DHRSX: variants seen among roughly 807,000 people sequenced by gnomAD.
DHRSX encodes the protein dehydrogenase/reductase X-linked.
Under a neutral mutation model 34.0 loss-of-function variants are expected in DHRSX, and 31 were observed. The ratio of observed to expected loss-of-function variants is 0.91; its 90% CI spans 0.69 to 1.23. The LOEUF is 1.23. Ranked by LOEUF, DHRSX falls within the 50% of genes most tolerant of loss-of-function variation. DHRSX has a pLI of 0.00. For synonymous variants in DHRSX, 201 were observed against 183.8 expected, an observed-to-expected ratio of 1.09 and a Z score of -0.76; for missense variants, 414 against 428.1, an observed-to-expected ratio of 0.97 and a Z score of 0.29.
chrX:2,380,413 A>T (rs1184712908), intron 3 of DHRSX, among the ~76,000 whole-genome samples: 2 of 151,906 alleles, frequency 1.3e-5, no homozygotes, highest in East Asian at 3.9e-4. Flanking sequence ...ACATATGATA[A>T]GGAAGCAGGA....
chrX:2,463,989 T>G (rs752327004), intron 1 of DHRSX, among the ~76,000 whole-genome samples: 1 of 152,256 alleles, frequency 6.6e-6, no homozygotes, highest in East Asian at 1.9e-4. Context: ...GTGTACACAC[T>G]GAAGACATTC....
At chrX:2,443,008 C>T (rs180756392) in intron 1 of DHRSX, among the ~76,000 whole-genome samples, 12 of 152,166 alleles carry the variant, frequency 7.9e-5, no homozygotes, top group African/African-American at 2.9e-4. Context: ...AAGAGGGAGG[C>T]GGAGTTTCTC....
At position 2,427,867 on chromosome X, in the gene DHRSX, T is replaced by C. The variant is rs149368465; in HGVS notation, c.110-2563A>G. 1.9e-3 allele frequency among the ~76,000 whole-genome samples: 285 copies of C among 152,282 alleles called. 3 individuals are homozygous for C. The East Asian group carries it at 0.026, about 14-fold the overall frequency. On this transcript the variant is annotated intron_variant, in intron 1 of 6. Coordinates refer to ENST00000334651, the MANE Select transcript of DHRSX (RefSeq NM_145177.3). ...AAATATAAAGCCTAAGTGTCCACCA[T>C]CAGACAATTTGATTTTTTAAAATAT... is the stretch of plus-strand genomic sequence containing the variant.
chrX:2,472,812 G>A (rs2044613532), intron 1 of DHRSX, among the ~76,000 whole-genome samples: 1 of 152,090 alleles, frequency 6.6e-6, no homozygotes, highest in African/African-American at 2.4e-5. Flanking sequence ...CTGCTATTGG[G>A]AATATTTTAC....
In DHRSX at chrX:2,490,159, C is replaced by T. The variant is rs145197630; in HGVS notation, c.109+10658G>A. On this transcript the variant is annotated intron_variant, in intron 1 of 6. Transcript: ENST00000334651. The stretch of plus-strand genomic sequence containing the variant: ...TGCCACACCAGGTGGCCTCGGCCAG[C>T]TCCTTCAGGATCACCTCCCGGACGG... The T allele has an allele frequency of 2.2e-4, 350 of 1,613,986 alleles. 2 individuals are homozygous for T. The African/African-American group carries it at 3.9e-3, about 18-fold the overall frequency.
chrX:2,323,251 A>G lies in DHRSX; in HGVS notation c.287-31648T>C, dbSNP rs2042335192. On this transcript the variant is annotated intron_variant, in intron 3 of 6. Coordinates refer to ENST00000334651, the MANE Select transcript of DHRSX (RefSeq NM_145177.3). ...AAGCGCCATAGCCACACCATGGTAG[A>G]GCTATTCTGCCTTGTAGAGATGCAT... Among the ~76,000 whole-genome samples the G allele has an allele frequency of 2.0e-5, 3 of 152,154 alleles. No homozygotes were observed. In the South Asian group the frequency reaches 6.2e-4, roughly 32 times the overall value.
At chrX:2,347,599 C>T (rs1278202266) in intron 3 of DHRSX, among the ~76,000 whole-genome samples, 1 of 152,130 alleles carries the variant, frequency 6.6e-6, no homozygotes, top group Non-Finnish European at 1.5e-5. Flanking sequence ...AAGGCTGAGG[C>T]AGGAGAATCG....
chrX:2,339,053 C>G (rs2042607047), intron 3 of DHRSX, among the ~76,000 whole-genome samples: 1 of 151,966 alleles, frequency 6.6e-6, no homozygotes, highest in Non-Finnish European at 1.5e-5. Context: ...CTTAAGTGAT[C>G]CTGAATATAC....
intron 1 of DHRSX, among the ~76,000 whole-genome samples, chrX:2,437,036 T>C (rs1251613856): frequency 2.0e-5 from 3 of 151,864 alleles, no homozygotes; most frequent in Non-Finnish European, 2.9e-5. Context: ...CTCGCTCTGT[T>C]GCCCAGGCTG....
At chrX:2,352,739 A>G (rs1315806141) in intron 3 of DHRSX, among the ~76,000 whole-genome samples, 2 of 152,196 alleles carry the variant, frequency 1.3e-5, no homozygotes, top group African/African-American at 4.8e-5. Context: ...TGATAGCTAC[A>G]AGCACAGGCA....
At chrX:2,260,616 C>T (rs1407396152) in intron 5 of DHRSX, among the ~76,000 whole-genome samples, 1 of 152,062 alleles carries the variant, frequency 6.6e-6, no homozygotes, top group Non-Finnish European at 1.5e-5. Context: ...CGCAGCACCA[C>T]GCCCGGCTAA....
At chrX:2,357,112 C>T (rs1341316277) in intron 3 of DHRSX, among the ~76,000 whole-genome samples, 11 of 152,130 alleles carry the variant, frequency 7.2e-5, no homozygotes, top group African/African-American at 2.2e-4. Flanking sequence ...GGCATGGTGG[C>T]GTGCGCCTGT....
At chrX:2,415,121 T>G (rs1217368411) in intron 2 of DHRSX, among the ~76,000 whole-genome samples, 1 of 150,476 alleles carries the variant, frequency 6.6e-6, no homozygotes, top group African/African-American at 2.5e-5. Context: ...TCATGACCAA[T>G]GCACTAGACC....
At chrX:2,453,031 G>A (rs1400914465) in intron 1 of DHRSX, among the ~76,000 whole-genome samples, 1 of 152,160 alleles carries the variant, frequency 6.6e-6, no homozygotes, top group Non-Finnish European at 1.5e-5. Context: ...CACTGGAATA[G>A]TATGGAGCCA....
chrX:2,440,996 G>C lies in DHRSX; in HGVS notation c.110-15692C>G, dbSNP rs149192908. Among the ~76,000 whole-genome samples the C allele has an allele frequency of 8.7e-3, 1,317 of 152,248 alleles. 36 individuals carry two copies. Among genetic ancestry groups the C allele is most frequent in the Admixed American group, 0.053 (809 of 15,276 alleles). ...TGAGAATCAGCAATGAGGAGCTACA[G>C]ACGACGCAGACGGCACCAGTAGCTA... On this transcript the variant is annotated intron_variant, in intron 1 of 6. Transcript: ENST00000334651.
At position 2,341,313 on chromosome X, in the gene DHRSX, TA is replaced by T. The variant is rs2042636736; in HGVS notation, c.287-49711del. ...TAGGGAGCTTACAAAAGCAGCCATT[TA>T]ACCTCTCCCAGTCCTGGAGACTACA... On this transcript the variant is annotated intron_variant, in intron 3 of 6. Coordinates refer to ENST00000334651, the MANE Select transcript of DHRSX (RefSeq NM_145177.3). 2.0e-5 allele frequency among the ~76,000 whole-genome samples: 3 copies of T among 152,110 alleles called. No individual in the cohort carries two copies. In the South Asian group the frequency reaches 6.2e-4, roughly 32 times the overall value.
chrX:2,370,758 T>A (rs1277742138), intron 3 of DHRSX, among the ~76,000 whole-genome samples: 1 of 152,092 alleles, frequency 6.6e-6, no homozygotes, highest in Non-Finnish European at 1.5e-5. Flanking sequence ...TCTAACGTGA[T>A]CACATTTTGG....
At chrX:2,392,078 G>A (rs1468881269) in intron 3 of DHRSX, among the ~76,000 whole-genome samples, 1 of 152,160 alleles carries the variant, frequency 6.6e-6, no homozygotes, top group Non-Finnish European at 1.5e-5. Flanking sequence ...AAACGCTGTC[G>A]TTCACCATCC....
At chrX:2,496,118 AC>A (rs1246967508) in intron 1 of DHRSX, among the ~76,000 whole-genome samples, 3 of 152,238 alleles carry the variant, frequency 2.0e-5, no homozygotes, top group African/African-American at 7.2e-5. Flanking sequence ...GACCTACTGC[AC>A]AGCGTGGTGG....
Sources: allele counts gnomAD v4.1 joint callset (sites outside exome capture counted in the v4.1 genomes callset), GRCh38; gene constraint gnomAD v4.1.1; transcripts MANE v1.5; gene names NCBI Gene and HGNC (gene_info 2026-07-23, HGNC 2026-07-21).